The following CNOT6 variants were observed in gnomAD, a reference collection of about 807,000 sequenced individuals.
CNOT6 encodes carbon catabolite repression 4 protein.
Under a neutral mutation model 61.2 loss-of-function variants are expected in CNOT6, and 12 were observed. That is an observed-to-expected ratio of 0.20 (90% CI 0.13 to 0.32). The LOEUF (loss-of-function observed/expected upper bound fraction) is 0.32. Among genes scored for constraint, CNOT6 ranks in the 10% least tolerant of loss-of-function variants. CNOT6 has a pLI of 1.00. For synonymous variants in CNOT6, 225 were observed against 240.6 expected (o/e 0.94, Z 0.60); for missense variants, 405 against 663.9 (o/e 0.61, Z 4.28).
chr5:180,521,241 G>A (rs934622802), intron 1 of CNOT6, among the ~76,000 whole-genome samples: 3 of 152,182 alleles, frequency 2.0e-5, no homozygotes, highest in African/African-American at 7.2e-5. Context: ...AGAGGAAGAG[G>A]AAAGACATCT....
intron 2 of CNOT6, among the ~76,000 whole-genome samples, chr5:180,544,305 G>A (rs72812980): frequency 0.019 from 2,887 of 152,270 alleles, 39 homozygotes; most frequent in Non-Finnish European, 0.027. Flanking sequence ...TCCCATATAA[G>A]TTGGTGTCTT....
chr5:180,559,352 A>G (rs1012169765), intron 4 of CNOT6, among the ~76,000 whole-genome samples: 5 of 152,310 alleles, frequency 3.3e-5, no homozygotes, highest in Admixed American at 3.3e-4. Flanking sequence ...TTATTATTAC[A>G]TAATGTTATT....
chr5:180,536,968 T>C (rs1386045978), intron 2 of CNOT6, among the ~76,000 whole-genome samples: 1 of 152,216 alleles, frequency 6.6e-6, no homozygotes, highest in African/African-American at 2.4e-5. Flanking sequence ...CTGTGTCTTG[T>C]CATGGCTTGA....
intron 1 of CNOT6, among the ~76,000 whole-genome samples, chr5:180,519,294 C>T (rs1757782969): frequency 1.3e-5 from 2 of 152,336 alleles, no homozygotes; most frequent in Middle Eastern, 3.4e-3. Flanking sequence ...AGCAGGTTAT[C>T]TGGGACACTG....
At chr5:180,566,161 A>T (rs1053290491) in intron 7 of CNOT6, among the ~76,000 whole-genome samples, 184 bp downstream of exon 7, 1 of 152,348 alleles carries the variant, frequency 6.6e-6, no homozygotes, top group Non-Finnish European at 1.5e-5. Context: ...AAAATAGGCA[A>T]ATGTGTTAAG....
intron 2 of CNOT6, among the ~76,000 whole-genome samples, chr5:180,547,385 T>TG (rs1286992223): frequency 6.6e-6 from 1 of 151,934 alleles, no homozygotes; most frequent in Non-Finnish European, 1.5e-5. Flanking sequence ...CTGGGCGTGG[T>TG]GGCGGGCGCC....
intron 2 of CNOT6, among the ~76,000 whole-genome samples, chr5:180,536,039 A>T (rs540417059): frequency 1.8e-5 from 2 of 110,826 alleles, no homozygotes; most frequent in African/African-American, 3.6e-5. Flanking sequence ...TCTGTTGCCC[A>T]GGCTGGAGTG....
At chr5:180,529,252 T>C in intron 1 of CNOT6, 23 bp from the exon 2 acceptor site, 2 of 1,239,618 alleles carry the variant, frequency 1.6e-6, no homozygotes, top group Non-Finnish European at 2.4e-6. Flanking sequence ...TTTAGAATAC[T>C]GATTGGTTTC....
intron 1 of CNOT6, among the ~76,000 whole-genome samples, chr5:180,513,432 A>G (rs1010326308): frequency 1.3e-5 from 2 of 151,712 alleles, no homozygotes; most frequent in African/African-American, 4.8e-5. Flanking sequence ...GTCTGGCACA[A>G]TCTCACTCAT....
chr5:180,570,087 G>C (rs375678520), intron 10 of CNOT6, among the ~76,000 whole-genome samples: 4 of 152,138 alleles, frequency 2.6e-5, no homozygotes, highest in African/African-American at 9.7e-5. Context: ...GCTGGGTGCC[G>C]TGGCTCACGC....
intron 2 of CNOT6, among the ~76,000 whole-genome samples, chr5:180,531,680 T>G (rs1758389794): frequency 1.3e-5 from 2 of 152,148 alleles, no homozygotes; most frequent in South Asian, 4.1e-4. Context: ...GCCACTGCAC[T>G]CCAGCCTGGG....
intron 2 of CNOT6, among the ~76,000 whole-genome samples, chr5:180,535,999 T>TG (rs1758672032): frequency 8.3e-6 from 1 of 120,640 alleles, no homozygotes; most frequent in Admixed American, 8.6e-5. Context: ...TTTTTTTTTT[T>TG]TTTTTTTTTT....
At chr5:180,525,920 T>TA (rs140932134) in intron 1 of CNOT6, among the ~76,000 whole-genome samples, 25,472 of 151,568 alleles carry the variant, frequency 0.17, 2,195 homozygotes, top group Non-Finnish European at 0.19. Flanking sequence ...GTTTCTTCTT[T>TA]TAAAAAAAAA....
intron 2 of CNOT6, among the ~76,000 whole-genome samples, chr5:180,532,437 C>T (rs1383525019): frequency 6.6e-6 from 1 of 152,176 alleles, no homozygotes; most frequent in Admixed American, 6.5e-5. Flanking sequence ...CTTTGAGTCA[C>T]TGTTCTCTGC....
intron 2 of CNOT6, among the ~76,000 whole-genome samples, chr5:180,537,812 T>C (rs1326377235): frequency 1.3e-5 from 2 of 151,838 alleles, no homozygotes; most frequent in Non-Finnish European, 2.9e-5. Context: ...CTCTTTTTTT[T>C]TTTTTTGGTG....
chr5:180,566,031 G>T, intron 7 of CNOT6, 54 bp downstream of exon 7: 7 of 1,502,322 alleles, frequency 4.7e-6, no homozygotes, highest in Non-Finnish European at 6.3e-6. Flanking sequence ...GGAGCAACTA[G>T]GAATACATTA....
rs533413476 is a variant in CNOT6 at position 180,575,888 on chromosome 5, T to G, written c.*1688T>G. On this transcript the variant is annotated 3_prime_UTR_variant, in exon 12 of 12. Coordinates refer to ENST00000261951, the MANE Select transcript of CNOT6 (RefSeq NM_001370472.1). The stretch of plus-strand genomic sequence containing the variant: ...AAATGAGTCATTTTGGAAATGATTC[T>G]TATGTTTTTTTTTTTTCTCCTTTTA... 5.5e-5 allele frequency: 8 copies of G among 146,142 alleles called. No individual in the cohort carries two copies. The highest frequency in any genetic ancestry group is 2.0e-4 in the Admixed American group (3 of 14,752). The allele number at this position is 146,142 out of a possible 1,614,324, so 9.1% of individuals were successfully genotyped here.
At position 180,531,173 on chromosome 5, in the gene CNOT6, G is replaced by C. The variant is rs1262610468; in HGVS notation, c.112+1785G>C. 4.6e-5 allele frequency among the ~76,000 whole-genome samples: 6 copies of C among 130,984 alleles called. 1 individual carries two copies. Among genetic ancestry groups the C allele is most frequent in the Non-Finnish European group, 1.0e-4 (6 of 59,246 alleles). 85.9% of individuals were successfully genotyped at this position (130,984 alleles called of 152,430 possible). A position where few individuals can be genotyped will look rare whatever the true frequency, so the allele number is the denominator to read the frequency against. On this transcript the variant is annotated intron_variant, in intron 2 of 11. Coordinates refer to ENST00000261951, the MANE Select transcript of CNOT6 (RefSeq NM_001370472.1). Reference sequence around the variant, plus strand: ...GGAGGCGCCCCCCACCTCCCTCCCAGCTGGGGCGGCTGGCCGGGGCGGCTG... The same window carrying C: ...GGAGGCGCCCCCCACCTCCCTCCCACCTGGGGCGGCTGGCCGGGGCGGCTG...
rs749271730 is a variant in CNOT6, at chr5:180,571,442, G to C, written c.1461+10G>C. On this transcript the variant is annotated intron_variant, in intron 11 of 11. Transcript: ENST00000261951. ...CACATTTGATTTCAAGGTGTGTCTT[G>C]AGACTGATAAGCTTTTCAAACCTGT... 1 of 1,607,972 alleles carries C rather than the reference G, an allele frequency of 6.2e-7. No homozygotes were observed. The highest frequency in any genetic ancestry group is 1.1e-5 in the South Asian group (1 of 90,816).
Sources: gnomAD v4.1 joint callset for allele counts (sites outside exome capture counted in the v4.1 genomes callset) on GRCh38, gnomAD v4.1.1 for gene constraint, MANE v1.5 for transcripts, NCBI Gene and HGNC (gene_info 2026-07-23, HGNC 2026-07-21) for gene names.